Variants in SHROOM3 observed in about 807,000 individuals in gnomAD.
SHROOM3 encodes protein Shroom3.
Under a neutral mutation model 138.6 loss-of-function variants are expected in SHROOM3, and 47 were observed. The observed-to-expected ratio is 0.34, with a 90% CI of 0.27 to 0.43. SHROOM3 has a LOEUF of 0.43. Ranked by LOEUF, SHROOM3 falls within the 20% of genes least tolerant of loss-of-function variation. The pLI, the probability that SHROOM3 is intolerant of heterozygous loss-of-function variation, is 1.00. For synonymous variants in SHROOM3, 1,062 were observed against 1,063.3 expected, an observed-to-expected ratio of 1.00 and a Z score of 0.02; for missense variants, 2,491 against 2,596.5, an observed-to-expected ratio of 0.96 and a Z score of 0.88.
intron 1 of SHROOM3, among the ~76,000 whole-genome samples, chr4:76,465,997 T>C (rs1579172503): frequency 6.6e-6 from 1 of 152,224 alleles, no homozygotes; most frequent in African/African-American, 2.4e-5. Flanking sequence ...ATTCCCAGGA[T>C]TGAGGACAAT....
chr4:76,732,143 T>C (rs932109598), intron 4 of SHROOM3, among the ~76,000 whole-genome samples: 1 of 152,170 alleles, frequency 6.6e-6, no homozygotes, highest in Non-Finnish European at 1.5e-5. Context: ...GGAGTTAGAC[T>C]CCGTAGCTTA....
rs1198217014 is a variant in SHROOM3, at chr4:76,741,548, C to T, written c.3375C>T (p.Pro1125=). 1.9e-6 allele frequency: 3 copies of T among 1,547,550 alleles called. No homozygotes were observed. The highest frequency in any genetic ancestry group is 1.4e-5 in the African/African-American group (1 of 73,494). Residue 1125 remains proline, a synonymous_variant, in exon 5 of 11, where the codon CCC becomes CCT. Transcript: ENST00000296043. This position sits in a 1 kb window ranked among gnomAD's most constrained non-coding sequence, Gnocchi z 6.2. The part of the protein sequence containing the change: ...RAQSAYLQPG[P]AALEGSGLAS... Reference sequence around the variant, plus strand: ...AGAGTGCCTACCTCCAGCCCGGCCCCGCGGCGCTCGAAGGCTCCGGCCTCG... The same window carrying T: ...AGAGTGCCTACCTCCAGCCCGGCCCTGCGGCGCTCGAAGGCTCCGGCCTCG...
At position 76,438,955 on chromosome 4, in the gene SHROOM3, C is replaced by T. The variant is rs143404162; in HGVS notation, c.168+2735C>T. ...CCAATGAGGATGCCAGGCAGACCTC[C>T]ATGTGGGGCATGTATTAGTTTCCTA... On this transcript the variant is annotated intron_variant, in intron 1 of 10. Transcript: ENST00000296043. 1.8e-4 allele frequency among the ~76,000 whole-genome samples: 28 copies of T among 152,288 alleles called. No individual in the cohort carries two copies. In the East Asian group the frequency reaches 5.4e-3, roughly 29 times the overall value.
intron 8 of SHROOM3, 33 bp from the exon 9 acceptor site, chr4:76,759,512 G>A (rs1292865778): frequency 6.2e-7 from 1 of 1,613,558 alleles, no homozygotes; most frequent in South Asian, 1.1e-5. Context: ...GGCGTGATCT[G>A]TGTGGCTATA....
chr4:76,687,512 G>A (rs1013105), intron 2 of SHROOM3, among the ~76,000 whole-genome samples: 6 of 152,058 alleles, frequency 3.9e-5, no homozygotes, highest in African/African-American at 7.2e-5. Context: ...CAAGGAGAAC[G>A]GAGGTACCAG....
At position 76,688,586 on chromosome 4, in the gene SHROOM3, A is replaced by AG. The variant is rs1719406678; in HGVS notation, c.324-21566dup. 7.1e-6 allele frequency: 7 copies of AG among 985,322 alleles called. No homozygotes were observed. In the South Asian group the frequency reaches 1.4e-4, roughly 20 times the overall value. 61.0% of individuals were successfully genotyped at this position (985,322 alleles called of 1,614,324 possible). A position where few individuals can be genotyped will look rare whatever the true frequency, so the allele number is the denominator to read the frequency against. ...TGAGAGCAATTAAGAGAGGACTCTGAGGGGAAAAAATTCCTACCTCCGTTG... is the reference window on the plus strand; with the variant it reads ...TGAGAGCAATTAAGAGAGGACTCTGAGGGGGAAAAAATTCCTACCTCCGTTG... On this transcript the variant is annotated intron_variant, in intron 2 of 10. Coordinates refer to ENST00000296043, the MANE Select transcript of SHROOM3 (RefSeq NM_020859.4).
intron 1 of SHROOM3, among the ~76,000 whole-genome samples, chr4:76,459,807 C>T (rs115521490): frequency 8.5e-5 from 13 of 152,258 alleles, no homozygotes; most frequent in African/African-American, 3.1e-4. Flanking sequence ...CTCTGAGAAG[C>T]AGCGAGAGTG....
At chr4:76,726,620 T>C (rs1720713986) in intron 3 of SHROOM3, among the ~76,000 whole-genome samples, 1 of 150,472 alleles carries the variant, frequency 6.6e-6, no homozygotes, top group South Asian at 2.1e-4. Context: ...CATTGCTCGC[T>C]ACAGCTTCAA....
chr4:76,523,630 G>A (rs1034421975), intron 1 of SHROOM3, among the ~76,000 whole-genome samples: 7 of 152,258 alleles, frequency 4.6e-5, no homozygotes, highest in East Asian at 1.9e-4. Context: ...AGGCTATGTC[G>A]AAGTTATGGA....
chr4:76,757,749 G>A (rs539042364), intron 8 of SHROOM3, among the ~76,000 whole-genome samples: 10 of 152,258 alleles, frequency 6.6e-5, no homozygotes, highest in African/African-American at 2.4e-4. Flanking sequence ...TGCAGTCTGT[G>A]CTTTTCATTT....
chr4:76,674,554 C>CTTTTTTTTT (rs11312421), intron 2 of SHROOM3, among the ~76,000 whole-genome samples: 35 of 103,290 alleles, frequency 3.4e-4, no homozygotes, highest in South Asian at 7.9e-4. Flanking sequence ...TCCTTCCTTC[C>CTTTTTTTTT]TTTTTTTTTT....
Position 76,661,622 on chromosome 4 carries a change from A to G in SHROOM3, c.324-48534A>G, listed in dbSNP as rs927252802. ...CTCCAGGCACCTACTGTTCTGATTT[A>G]TTTCACCATAGATTAGTTTTTTCTA... On this transcript the variant is annotated intron_variant, in intron 2 of 10. Coordinates refer to ENST00000296043, the MANE Select transcript of SHROOM3 (RefSeq NM_020859.4). Among the ~76,000 whole-genome samples the G allele has an allele frequency of 4.6e-5, 7 of 152,148 alleles. 1 individual carries two copies. The highest frequency in any genetic ancestry group is 1.0e-4 in the Non-Finnish European group (7 of 68,032).
At chr4:76,705,705 T>C (rs1720029728) in intron 2 of SHROOM3, among the ~76,000 whole-genome samples, 1 of 152,180 alleles carries the variant, frequency 6.6e-6, no homozygotes, top group East Asian at 1.9e-4. Flanking sequence ...TGCTAAACTT[T>C]CTCAGGTCAG....
intron 2 of SHROOM3, among the ~76,000 whole-genome samples, chr4:76,590,853 C>T (rs932702993): frequency 1.1e-4 from 16 of 152,094 alleles, no homozygotes; most frequent in African/African-American, 3.9e-4. Context: ...TTGTTCTTAG[C>T]GATCCTGTCG....
rs1265297152 is a variant in SHROOM3, at chr4:76,627,702, C to T, written c.323+71939C>T. ...TTAGAAATGGGGTCTTGCTATGTTG[C>T]CCAGAATGGAAGGTAGTGGCTATTC... On this transcript the variant is annotated intron_variant, in intron 2 of 10. Coordinates refer to ENST00000296043, the MANE Select transcript of SHROOM3 (RefSeq NM_020859.4). Among the ~76,000 whole-genome samples, 3 of 149,706 alleles carry T rather than the reference C, an allele frequency of 2.0e-5. No individual in the cohort carries two copies. In the East Asian group the frequency reaches 5.9e-4, roughly 30 times the overall value.
At chr4:76,701,442 A>C (rs1719899223) in intron 2 of SHROOM3, among the ~76,000 whole-genome samples, 2 of 152,212 alleles carry the variant, frequency 1.3e-5, no homozygotes, top group Non-Finnish European at 2.9e-5. Flanking sequence ...TTGAGCGAAT[A>C]ACTGTCCCTC....
intron 2 of SHROOM3, among the ~76,000 whole-genome samples, chr4:76,626,001 T>C (rs1018703898): frequency 6.6e-6 from 1 of 152,230 alleles, no homozygotes; most frequent in Non-Finnish European, 1.5e-5. Flanking sequence ...AGAACTCTCC[T>C]TAACTTTTCG....
chr4:76,678,426 T>G (rs1038973632), intron 2 of SHROOM3, among the ~76,000 whole-genome samples: 1 of 152,198 alleles, frequency 6.6e-6, no homozygotes, highest in Admixed American at 6.5e-5. Flanking sequence ...CAACTTTTCT[T>G]GCTTTTATCT....
Position 76,739,038 on chromosome 4 carries a change from A to C in SHROOM3, c.865A>C (p.Thr289Pro), listed in dbSNP as rs766905572. The C allele has an allele frequency of 6.2e-7, 1 of 1,614,084 alleles. No homozygotes were observed. The highest frequency in any genetic ancestry group is 8.5e-7 in the Non-Finnish European group (1 of 1,180,040). The change falls in exon 5 of 11, where the codon ACT becomes CCT. Residue 289 changes from threonine (T) to proline (P), a missense_variant. Transcript: ENST00000296043. ...GGAGCGTTCAGGCTCCATGGACAAT[A>C]CTTCTGCTCGAGGTGGCCTCCTCGA... is the stretch of plus-strand genomic sequence containing the variant. ...GRERSGSMDN[T>P]SARGGLLEGM...
Sources: allele counts gnomAD v4.1 joint callset (sites outside exome capture counted in the v4.1 genomes callset), GRCh38; gene constraint gnomAD v4.1.1; non-coding constraint Gnocchi (gnomAD v3.1); transcripts MANE v1.5; gene names NCBI Gene and HGNC (gene_info 2026-07-23, HGNC 2026-07-21).